The following PRKG1 variants were observed in gnomAD, a reference collection of about 807,000 sequenced individuals.
PRKG1 encodes the protein protein kinase cGMP-dependent 1, also known as cGMP-dependent protein kinase 1.
In PRKG1, 35 loss-of-function variants were observed where a neutral mutation model predicts 88.1. That is an observed-to-expected ratio of 0.40 (90% CI 0.30 to 0.53). The LOEUF is 0.53. PRKG1 is among the 20% of genes least tolerant of loss of function. The pLI is 0.59. For missense variants in PRKG1, 540 were observed against 839.8 expected (o/e 0.64, Z 4.41); for synonymous variants, 303 against 292.5 (o/e 1.04, Z -0.37).
intron 5 of PRKG1, among the ~76,000 whole-genome samples, chr10:51,948,940 T>G (rs1321719511): frequency 2.6e-5 from 4 of 152,206 alleles, no homozygotes; most frequent in African/African-American, 4.8e-5. Flanking sequence ...ACTATTTGTG[T>G]GCATGTTTTT....
rs10824180 is a variant in PRKG1 at position 52,164,086 on chromosome 10, C to T, written c.1076+2123C>T. On this transcript the variant is annotated intron_variant, in intron 9 of 17. Coordinates refer to ENST00000373980, the MANE Select transcript of PRKG1 (RefSeq NM_006258.4). ...GGTTATAAAAATATGTCACTAGGCT[C>T]GTGCCTGTAATCCCAGCACTTTGGG... Among the ~76,000 whole-genome samples, 5 of 152,026 alleles carry T rather than the reference C, an allele frequency of 3.3e-5. No individual in the cohort carries two copies. In the South Asian group the frequency reaches 6.2e-4, roughly 19 times the overall value.
At chr10:52,216,902 C>A (rs1840125840) in intron 9 of PRKG1, among the ~76,000 whole-genome samples, 1 of 152,098 alleles carries the variant, frequency 6.6e-6, no homozygotes, top group Admixed American at 6.6e-5. Flanking sequence ...ACTAGGCAGA[C>A]AATTCTGTTT....
At chr10:51,327,042 AC>A (rs1260530516) in intron 2 of PRKG1, among the ~76,000 whole-genome samples, 1 of 152,220 alleles carries the variant, frequency 6.6e-6, no homozygotes, top group Non-Finnish European at 1.5e-5. Flanking sequence ...TGGAATATTT[AC>A]CATTTAATCA....
chr10:51,693,305 A>AAAAAG, intron 3 of PRKG1, among the ~76,000 whole-genome samples: 1 of 151,098 alleles, frequency 6.6e-6, no homozygotes, highest in Non-Finnish European at 1.5e-5. Context: ...AAAAAAAAAA[A>AAAAAG]AGCTGTTATT....
chr10:51,735,895 T>TTATG (rs1564626606), intron 3 of PRKG1, among the ~76,000 whole-genome samples: 2 of 144,132 alleles, frequency 1.4e-5, no homozygotes, highest in Non-Finnish European at 3.0e-5. Flanking sequence ...ATTTATTTAT[T>TTATG]TATTTATTTA....
In PRKG1 at chr10:52,018,029, CT is replaced by C. The variant is rs1374686577; in HGVS notation, c.763-36454del. 9.8e-3 allele frequency among the ~76,000 whole-genome samples: 1,492 copies of C among 152,200 alleles called. 25 individuals carry two copies. The highest frequency in any genetic ancestry group is 0.034 in the African/African-American group (1,423 of 41,510). ...TATTCCAGTGTAAGCATCGATTTGC[CT>C]AATTACGCAGTATTTTTTGGCCATC... On this transcript the variant is annotated intron_variant, in intron 5 of 17. Transcript: ENST00000373980.
intron 3 of PRKG1, among the ~76,000 whole-genome samples, chr10:51,648,710 T>C (rs1048320854): frequency 6.6e-6 from 1 of 152,192 alleles, no homozygotes. Flanking sequence ...AAGGGTTTTG[T>C]TCAGTGACGT....
chr10:51,247,080 G>A lies in PRKG1; in HGVS notation c.478+93750G>A, dbSNP rs562908469. ...AGGTATGAGAAGGTAAATTGTACAA[G>A]AAGATGAATGGAGTAATAAATGTAT... On this transcript the variant is annotated intron_variant, in intron 2 of 17. Coordinates refer to ENST00000373980, the MANE Select transcript of PRKG1 (RefSeq NM_006258.4). 3.3e-5 allele frequency among the ~76,000 whole-genome samples: 5 copies of A among 152,130 alleles called. No homozygotes were observed. The South Asian group carries it at 1.0e-3, about 32-fold the overall frequency.
chr10:52,082,426 G>T (rs1013081556), intron 7 of PRKG1, among the ~76,000 whole-genome samples: 2 of 152,130 alleles, frequency 1.3e-5, no homozygotes, highest in Non-Finnish European at 2.9e-5. Context: ...CTCTCTGTAG[G>T]ACAGGAGAGA....
chr10:51,062,253 G>T (rs1272919036), intron 1 of PRKG1, among the ~76,000 whole-genome samples: 1 of 152,172 alleles, frequency 6.6e-6, no homozygotes, highest in Non-Finnish European at 1.5e-5. Flanking sequence ...CCTGATTTCA[G>T]TTTTTTTCCC....
At chr10:51,692,104 T>G (rs139995207) in intron 3 of PRKG1, among the ~76,000 whole-genome samples, 4 of 152,322 alleles carry the variant, frequency 2.6e-5, no homozygotes, top group African/African-American at 9.6e-5. Context: ...ACAAGGTTTG[T>G]GTCTGGCAAT....
chr10:52,108,624 T>G (rs1373330058), intron 7 of PRKG1, among the ~76,000 whole-genome samples: 1 of 152,196 alleles, frequency 6.6e-6, no homozygotes, highest in Non-Finnish European at 1.5e-5. Context: ...CTTATGATGT[T>G]GTTCACTAAA....
chr10:52,141,285 A>G (rs1837574358), intron 8 of PRKG1, among the ~76,000 whole-genome samples: 1 of 152,180 alleles, frequency 6.6e-6, no homozygotes, highest in African/African-American at 2.4e-5. Context: ...ACTACAAAAT[A>G]AGTACATTCT....
intron 5 of PRKG1, among the ~76,000 whole-genome samples, chr10:51,921,122 A>T (rs533458089): frequency 4.3e-4 from 65 of 152,162 alleles, no homozygotes; most frequent in Non-Finnish European, 8.2e-4. Flanking sequence ...TGCCCTAAAA[A>T]TCCTCTTCCA....
chr10:51,913,527 G>C (rs866140386), intron 5 of PRKG1, among the ~76,000 whole-genome samples: 2 of 152,084 alleles, frequency 1.3e-5, no homozygotes, highest in African/African-American at 4.8e-5. Flanking sequence ...CCTTTGTATA[G>C]TGAATCACTC....
intron 2 of PRKG1, among the ~76,000 whole-genome samples, chr10:51,295,517 A>AT (rs34763467): frequency 4.6e-5 from 7 of 151,640 alleles, no homozygotes; most frequent in South Asian, 4.2e-4. Context: ...TAGTTCTAAC[A>AT]TTTTTTTTCT....
At chr10:52,099,784 G>T (rs10824035) in intron 7 of PRKG1, among the ~76,000 whole-genome samples, 3 of 151,894 alleles carry the variant, frequency 2.0e-5, no homozygotes, top group African/African-American at 7.3e-5. Flanking sequence ...AAATAGCCAC[G>T]CAGTCCTGAG....
chr10:51,092,348 C>G (rs1397864764), intron 1 of PRKG1, among the ~76,000 whole-genome samples: 1 of 152,188 alleles, frequency 6.6e-6, no homozygotes, highest in Non-Finnish European at 1.5e-5. Context: ...AATTAAACCT[C>G]TCTTTTGAAT....
At chr10:51,041,876 G>A (rs1028744555) in intron 1 of PRKG1, among the ~76,000 whole-genome samples, 6 of 152,162 alleles carry the variant, frequency 3.9e-5, no homozygotes, top group African/African-American at 1.2e-4. Context: ...TTGCAAGACA[G>A]TAACTGAAGT....
Sources: allele counts gnomAD v4.1 joint callset (sites outside exome capture counted in the v4.1 genomes callset), GRCh38; gene constraint gnomAD v4.1.1; transcripts MANE v1.5; gene names NCBI Gene and HGNC (gene_info 2026-07-23, HGNC 2026-07-21).